C12orf50: variants seen among roughly 807,000 people sequenced by gnomAD.
The protein encoded by C12orf50 is uncharacterized protein C12orf50.
Under a neutral mutation model 61.6 loss-of-function variants are expected in C12orf50, and 35 were observed. The ratio of observed to expected loss-of-function variants is 0.57; its 90% CI spans 0.43 to 0.75. The LOEUF is 0.75. C12orf50 is among the 30% of genes least tolerant of loss of function. The probability of loss-of-function intolerance (pLI) is 0.00; values close to 1 mark genes in which losing one functional copy is unlikely to be tolerated. For missense variants in C12orf50, 475 were observed against 488.5 expected, an observed-to-expected ratio of 0.97 and a Z score of 0.26; for synonymous variants, 178 against 161.5, an observed-to-expected ratio of 1.10 and a Z score of -0.77.
rs2031358575 is a variant in C12orf50, at chr12:87,995,797, C to T, written c.481+577G>A. Among the ~76,000 whole-genome samples, 4 of 152,154 alleles carry T rather than the reference C, an allele frequency of 2.6e-5. No individual in the cohort carries two copies. In the South Asian group the frequency reaches 8.3e-4, roughly 31 times the overall value. On this transcript the variant is annotated intron_variant, in intron 6 of 12. Coordinates refer to ENST00000298699, the MANE Select transcript of C12orf50 (RefSeq NM_152589.3). ...GATGGTGTGTTGCTGCCACCTATCGCCACGTTTGAATAGTTCGCTACAAAA... is the reference window on the plus strand; with the variant it reads ...GATGGTGTGTTGCTGCCACCTATCGTCACGTTTGAATAGTTCGCTACAAAA...
At chr12:88,009,708 G>T (rs117101837) in intron 3 of C12orf50, among the ~76,000 whole-genome samples, 1 of 152,114 alleles carries the variant, frequency 6.6e-6, no homozygotes, top group East Asian at 1.9e-4. Context: ...ATTCCATTAG[G>T]TTCTCTGGCC....
intron 8 of C12orf50, among the ~76,000 whole-genome samples, chr12:87,988,187 A>G (rs978528388): frequency 6.6e-6 from 1 of 152,130 alleles, no homozygotes; most frequent in African/African-American, 2.4e-5. Flanking sequence ...TATAGCCATT[A>G]TTTTCAATAT....
intron 1 of C12orf50, among the ~76,000 whole-genome samples, chr12:88,028,832 G>C (rs2032799041): frequency 6.6e-6 from 1 of 152,042 alleles, no homozygotes; most frequent in South Asian, 2.1e-4. Context: ...CATATAACTG[G>C]TATATATAAG....
intron 7 of C12orf50, among the ~76,000 whole-genome samples, chr12:87,992,632 T>C (rs552196162): frequency 6.6e-6 from 1 of 150,536 alleles, no homozygotes; most frequent in Non-Finnish European, 1.5e-5. Flanking sequence ...TTTCCACTTA[T>C]ATAAAGGTCA....
rs770981410 is a variant in C12orf50, at chr12:87,996,403, G to A, written c.452C>T (p.Pro151Leu). 3.1e-6 allele frequency: 5 copies of A among 1,612,692 alleles called. No homozygotes were observed. The highest frequency in any genetic ancestry group is 1.7e-5 in the Admixed American group (1 of 59,970). ...TTGCAATTCACTGCCATTTTCCAAA[G>A]GCTTTTCTAACTGTTTTTCTGCTGT... ...TPTAEKQLEKPLENGSELQEG... is the reference protein window; with the variant it reads ...TPTAEKQLEKLLENGSELQEG... Residue 151 changes from proline (P) to leucine (L), a missense_variant, in exon 6 of 13, where the codon CCT (proline) becomes CTT (leucine). By Grantham distance (98) the Pro-to-Leu change is moderately conservative. Coordinates refer to ENST00000298699, the MANE Select transcript of C12orf50 (RefSeq NM_152589.3).
chr12:87,986,046 C>T lies in C12orf50; in HGVS notation c.930G>A (p.Gln310=). 1 of 1,613,502 alleles carries T rather than the reference C, an allele frequency of 6.2e-7. No homozygotes were observed. Among genetic ancestry groups the T allele is most frequent in the Non-Finnish European group, 8.5e-7 (1 of 1,179,674 alleles). ...TCATTTTATTTTGGGGTCTTGGGGC[C>T]TGTACTGCTGTAAAGAAAGGTGGGA... is the stretch of plus-strand genomic sequence containing the variant. ...FPNSGMQRAV[Q]APRPQNKMSY... is the part of the protein sequence containing the mutation. The change falls in exon 11 of 13, where the codon CAG becomes CAA. Residue 310 remains glutamine (Q), a synonymous_variant. Transcript: ENST00000298699.
chr12:88,025,873 A>G (rs1055114674), intron 3 of C12orf50, among the ~76,000 whole-genome samples: 21 of 152,166 alleles, frequency 1.4e-4, no homozygotes, highest in Admixed American at 1.4e-3. Flanking sequence ...CTTACCATTC[A>G]CTGGTTTACA....
intron 3 of C12orf50, among the ~76,000 whole-genome samples, chr12:88,017,600 G>A (rs868639780): frequency 6.6e-6 from 1 of 152,194 alleles, no homozygotes; most frequent in Admixed American, 6.5e-5. Context: ...GCAGAGGTTG[G>A]AACAGTTTGA....
chr12:88,003,850 A>G (rs978680875), intron 3 of C12orf50, among the ~76,000 whole-genome samples: 8 of 152,052 alleles, frequency 5.3e-5, no homozygotes, highest in Non-Finnish European at 1.2e-4. Flanking sequence ...TAATTTTTTA[A>G]TTAAATCTGG....
intron 5 of C12orf50, 34 bp from the exon 6 acceptor site, chr12:87,996,521 A>C: frequency 6.3e-7 from 1 of 1,590,122 alleles, no homozygotes; most frequent in Non-Finnish European, 8.6e-7. Flanking sequence ...TGGTTAGTAT[A>C]TTTATCACAT....
At chr12:87,988,128 G>A (rs2030926788) in intron 8 of C12orf50, among the ~76,000 whole-genome samples, 162 bp from the exon 9 acceptor site, 1 of 151,948 alleles carries the variant, frequency 6.6e-6, no homozygotes, top group Admixed American at 6.6e-5. Context: ...TTCCCTAGTT[G>A]CCACGTGGAT....
At chr12:88,021,998 C>T (rs1320588139) in intron 3 of C12orf50, among the ~76,000 whole-genome samples, 8 of 151,120 alleles carry the variant, frequency 5.3e-5, no homozygotes, top group Non-Finnish European at 7.4e-5. Context: ...TCTATGAGGC[C>T]AGCATCATTC....
intron 3 of C12orf50, among the ~76,000 whole-genome samples, chr12:88,001,043 C>A (rs1335716410): frequency 1.3e-5 from 2 of 151,768 alleles, no homozygotes; most frequent in African/African-American, 2.4e-5. Flanking sequence ...GTCTTGACTG[C>A]AAATGACAAG....
intron 11 of C12orf50, chr12:87,984,971 A>G (rs1311271529): frequency 1.3e-5 from 2 of 152,138 alleles, no homozygotes; most frequent in African/African-American, 4.8e-5. Context: ...ACACATCCAT[A>G]TATCATTCTA....
At chr12:88,002,920 A>T (rs2031710218) in intron 3 of C12orf50, among the ~76,000 whole-genome samples, 1 of 151,778 alleles carries the variant, frequency 6.6e-6, no homozygotes, top group South Asian at 2.1e-4. Flanking sequence ...ATTTAACATC[A>T]GTGAGATAGA....
chr12:88,019,313 A>T (rs2032427731), intron 3 of C12orf50, among the ~76,000 whole-genome samples: 2 of 152,118 alleles, frequency 1.3e-5, no homozygotes, highest in South Asian at 4.2e-4. Context: ...TCCATGTAAG[A>T]CGTGACTTTC....
chr12:87,996,249 T>C (rs1008432842), intron 6 of C12orf50, 125 bp downstream of exon 6: 5 of 705,624 alleles, frequency 7.1e-6, no homozygotes, highest in Admixed American at 2.8e-5. Context: ...AACACTTTCT[T>C]CTAGTGCTCA....
rs79389139 is a variant in C12orf50, at chr12:88,028,206, G to A, written c.-109+1134C>T. Among the ~76,000 whole-genome samples the A allele has an allele frequency of 2.5e-4, 38 of 152,302 alleles. No homozygotes were observed. The East Asian group carries it at 6.6e-3, about 26-fold the overall frequency. On this transcript the variant is annotated intron_variant, in intron 1 of 12. Transcript: ENST00000298699. ...GCTAAGTACTTGGGGATACAGCAGT[G>A]AAATAGACAAAACACTCTGCCCACC...
Position 87,996,485 on chromosome 12 carries a change from C to G in C12orf50, c.370G>C (p.Glu124Gln). The G allele has an allele frequency of 6.2e-7, 1 of 1,607,106 alleles. No homozygotes were observed. The highest frequency in any genetic ancestry group is 8.5e-7 in the Non-Finnish European group (1 of 1,174,116). The change falls in exon 6 of 13, where the codon GAA (glutamate) becomes CAA (glutamine). Residue 124 changes from glutamate (E) to glutamine (Q), a missense_variant and splice_region_variant. Transcript: ENST00000298699. ...GGAGGAGTATGAAATCTGTAGTATT[C>G]CCCTAATCAACCATAAGAAAAGTAA... is the stretch of plus-strand genomic sequence containing the variant. ...AIKEMCYKSGEYYRFHTPPDI... is the reference protein window; with the variant it reads ...AIKEMCYKSGQYYRFHTPPDI...
Sources: allele counts gnomAD v4.1 joint callset (sites outside exome capture counted in the v4.1 genomes callset), GRCh38; gene constraint gnomAD v4.1.1; transcripts MANE v1.5; gene names NCBI Gene and HGNC (gene_info 2026-07-23, HGNC 2026-07-21).